The following L3MBTL4 variants were observed in gnomAD, a reference collection of about 807,000 sequenced individuals.
L3MBTL4 encodes lethal(3)malignant brain tumor-like protein 4.
In L3MBTL4, 70 loss-of-function variants were observed where a neutral mutation model predicts 84.5. The observed-to-expected ratio is 0.83, with a 90% confidence interval of 0.68 to 1.01. The LOEUF (loss-of-function observed/expected upper bound fraction) is 1.01. L3MBTL4 is among the 50% of genes least tolerant of loss of function. L3MBTL4 has a pLI of 0.00. For synonymous variants in L3MBTL4, 274 were observed against 259.8 expected (o/e 1.05, Z -0.52); for missense variants, 715 against 754.8 (o/e 0.95, Z 0.62).
intron 3 of L3MBTL4, among the ~76,000 whole-genome samples, chr18:6,311,166 CTG>C (rs754128272): frequency 1.3e-5 from 2 of 151,640 alleles, no homozygotes; most frequent in African/African-American, 2.4e-5. Context: ...CTCTCTCGCT[CTG>C]TGTGTGTGTG....
At position 5,976,901 on chromosome 18, in the gene L3MBTL4, G is replaced by A. The variant is rs1025976049; in HGVS notation, c.1445-7339C>T. Among the ~76,000 whole-genome samples the A allele has an allele frequency of 7.9e-5, 12 of 152,176 alleles. No homozygotes were observed. The East Asian group carries it at 1.7e-3, about 22-fold the overall frequency. ...CCAAATCACTCAATGCTAAAGGAGT[G>A]TGCGGCAACCCAGCTGCTGTTTCCT... is the stretch of plus-strand genomic sequence containing the variant. On this transcript the variant is annotated intron_variant, in intron 16 of 18. Transcript: ENST00000317931.
At position 6,138,244 on chromosome 18, in the gene L3MBTL4, C is replaced by T. The variant is rs745445176; in HGVS notation, c.1149G>A (p.Gly383=). 30 of 1,613,400 alleles carry T rather than the reference C, an allele frequency of 1.9e-5. No individual in the cohort carries two copies. In the Admixed American group the frequency reaches 4.7e-4, roughly 25 times the overall value. ...CACGGATATGGCCTATTCCTCGGCA[C>T]CCGGGAGTAGGACAGACAGCTTGAC... The part of the protein sequence containing the change: ...LPGQAVCPTP[G]CRGIGHIRGP... The change falls in exon 14 of 19, where the codon GGG becomes GGA. Residue 383 remains glycine (G), a synonymous_variant. Coordinates refer to ENST00000317931, the MANE Select transcript of L3MBTL4 (RefSeq NM_001330559.2).
intron 1 of L3MBTL4, among the ~76,000 whole-genome samples, chr18:6,376,904 C>A (rs1309245214): frequency 1.3e-5 from 2 of 152,142 alleles, no homozygotes; most frequent in Non-Finnish European, 2.9e-5. Context: ...CCTCTCCTGC[C>A]CTCACACTGA....
At chr18:6,006,097 G>A (rs1359321419) in intron 16 of L3MBTL4, among the ~76,000 whole-genome samples, 3 of 151,978 alleles carry the variant, frequency 2.0e-5, no homozygotes, top group Non-Finnish European at 4.4e-5. Context: ...TGTCTAAGTT[G>A]TCCTTCAAAT....
At chr18:5,981,977 T>TGTGTGG (rs1418443169) in intron 16 of L3MBTL4, among the ~76,000 whole-genome samples, 1 of 130,116 alleles carries the variant, frequency 7.7e-6, no homozygotes, top group Admixed American at 7.2e-5. Flanking sequence ...CAATATTCTG[T>TGTGTGG]GTGTGTGTGT....
chr18:6,113,075 T>C (rs1351186751), intron 14 of L3MBTL4, among the ~76,000 whole-genome samples: 1 of 152,172 alleles, frequency 6.6e-6, no homozygotes, highest in Non-Finnish European at 1.5e-5. Context: ...TCATCTGTCT[T>C]CCATATTTAA....
intron 14 of L3MBTL4, among the ~76,000 whole-genome samples, chr18:6,116,347 T>A (rs528861596): frequency 6.9e-6 from 1 of 144,716 alleles, no homozygotes; most frequent in African/African-American, 2.6e-5. Context: ...ATTGTTGTTG[T>A]GGTTGTTGCT....
intron 1 of L3MBTL4, among the ~76,000 whole-genome samples, chr18:6,373,029 A>T (rs2054220578): frequency 6.6e-6 from 1 of 152,256 alleles, no homozygotes; most frequent in African/African-American, 2.4e-5. Flanking sequence ...CATCCAAAAC[A>T]GAATGATGCA....
chr18:6,199,029 G>T lies in L3MBTL4; in HGVS notation c.981+14120C>A, dbSNP rs534748277. ...CCCCACTCATTTAAATTACATTTTT[G>T]ATTTCTAAAGAGGGAAAAATCTGTT... On this transcript the variant is annotated intron_variant, in intron 12 of 18. Transcript: ENST00000317931. Among the ~76,000 whole-genome samples the T allele has an allele frequency of 2.0e-5, 3 of 152,128 alleles. No homozygotes were observed. In the South Asian group the frequency reaches 6.2e-4, roughly 32 times the overall value.
At chr18:6,377,891 T>G (rs185800370) in intron 1 of L3MBTL4, among the ~76,000 whole-genome samples, 1 of 152,154 alleles carries the variant, frequency 6.6e-6, no homozygotes, top group East Asian at 1.9e-4. Flanking sequence ...CCTTGAGGAA[T>G]TGCCATGTCT....
intron 1 of L3MBTL4, among the ~76,000 whole-genome samples, chr18:6,323,121 C>T (rs1371894175): frequency 2.0e-5 from 3 of 152,144 alleles, no homozygotes; most frequent in Non-Finnish European, 4.4e-5. Flanking sequence ...CTGAGGCCTC[C>T]CCAGAAGTTG....
At chr18:6,242,479 G>C (rs2047493255) in intron 7 of L3MBTL4, among the ~76,000 whole-genome samples, 1 of 152,156 alleles carries the variant, frequency 6.6e-6, no homozygotes, top group Admixed American at 6.5e-5. Flanking sequence ...CACGTGGTAA[G>C]GGCTCCATAA....
chr18:6,411,526 C>T (rs1240338807), intron 1 of L3MBTL4, among the ~76,000 whole-genome samples: 1 of 152,164 alleles, frequency 6.6e-6, no homozygotes, highest in Non-Finnish European at 1.5e-5. Flanking sequence ...TTTTTATTAG[C>T]AACTGACAAG....
rs1444023309 is a variant in L3MBTL4 at position 6,267,357 on chromosome 18, G to A, written c.128-3319C>T. 2.6e-5 allele frequency among the ~76,000 whole-genome samples: 4 copies of A among 152,276 alleles called. No individual in the cohort carries two copies. The East Asian group carries it at 5.8e-4, about 22-fold the overall frequency. ...TTGTATTGTTTGGAAATACTGAGAC[G>A]TCATGGTGTGATTTCCATCAAGGAG... On this transcript the variant is annotated intron_variant, in intron 4 of 18. Coordinates refer to ENST00000317931, the MANE Select transcript of L3MBTL4 (RefSeq NM_001330559.2).
intron 17 of L3MBTL4, among the ~76,000 whole-genome samples, chr18:5,964,485 T>C (rs781517714): frequency 5.2e-4 from 79 of 152,174 alleles, no homozygotes; most frequent in Non-Finnish European, 9.7e-4. Context: ...CTGAGTCTTA[T>C]TCTTTAACAG....
intron 3 of L3MBTL4, among the ~76,000 whole-genome samples, chr18:6,311,119 T>A (rs2050807825): frequency 1.3e-5 from 2 of 151,074 alleles, no homozygotes; most frequent in Non-Finnish European, 2.9e-5. Flanking sequence ...TTAAGATAAG[T>A]CTCTCTCTCT....
chr18:5,993,526 A>G (rs2053800632), intron 16 of L3MBTL4, among the ~76,000 whole-genome samples: 1 of 151,766 alleles, frequency 6.6e-6, no homozygotes, highest in Non-Finnish European at 1.5e-5. Context: ...GCTAACCTGG[A>G]CAAGCTCTTC....
chr18:6,113,713 G>C (rs1409134498), intron 14 of L3MBTL4, among the ~76,000 whole-genome samples: 3 of 152,048 alleles, frequency 2.0e-5, no homozygotes, highest in African/African-American at 7.3e-5. Flanking sequence ...CCACTCCTAG[G>C]GTGCTTTTCT....
intron 10 of L3MBTL4, among the ~76,000 whole-genome samples, chr18:6,231,790 C>A (rs1049935451): frequency 5.3e-5 from 8 of 151,384 alleles, no homozygotes; most frequent in African/African-American, 1.9e-4. Context: ...ATTAGTTCTA[C>A]CAGATTTTTT....
Sources: allele counts gnomAD v4.1 joint callset (sites outside exome capture counted in the v4.1 genomes callset), GRCh38; gene constraint gnomAD v4.1.1; transcripts MANE v1.5; gene names NCBI Gene and HGNC (gene_info 2026-07-23, HGNC 2026-07-21).